The following ACADVL variants were observed in gnomAD, a reference collection of about 807,000 sequenced individuals.
ACADVL encodes very long-chain acyl-CoA dehydrogenase, mitochondrial.
A neutral mutation model predicts 80.4 loss-of-function variants in ACADVL; 73 were observed. That is an observed-to-expected ratio of 0.91 (90% CI 0.75 to 1.10). The LOEUF (loss-of-function observed/expected upper bound fraction) is 1.10. Ranked by LOEUF, ACADVL falls within the 50% of genes least tolerant of loss-of-function variation. The pLI is 0.00. For synonymous variants in ACADVL, 392 were observed against 326.5 expected (o/e 1.20, Z -2.16); for missense variants, 878 against 858.9 (o/e 1.02, Z -0.28).
At chr17:7,218,964 C>T (rs1243049661), upstream of ACADVL, 13 of 1,120,896 alleles carry the variant, frequency 1.2e-5, no homozygotes, top group Admixed American at 2.1e-4. Context: ...GACCAGCTGT[C>T]CCATTCCCCC....
At chr17:7,218,275 A>C (rs754522496), upstream of ACADVL, 3 of 1,609,294 alleles carry the variant, frequency 1.9e-6, no homozygotes, top group South Asian at 3.3e-5. Flanking sequence ...ATAATAGTCC[A>C]GGATGTCTGT....
At chr17:7,219,144 T>C, upstream of ACADVL, 1 of 492,530 alleles carries the variant, frequency 2.0e-6, no homozygotes, top group Non-Finnish European at 3.6e-6. Flanking sequence ...TCTCTCCTCC[T>C]GGGCCTCCTC....
chr17:7,222,619 G>A (rs2071284348), intron 9 of ACADVL, 48 bp from the exon 10 acceptor site: 3 of 1,549,906 alleles, frequency 1.9e-6, no homozygotes, highest in Middle Eastern at 1.7e-4. Context: ...TTCCCCCAGT[G>A]ACAACCTGTT....
In ACADVL at chr17:7,222,335, T is replaced by G. The variant is rs145589195; in HGVS notation, c.878+33T>G. ...AATTTGGGTTGGGGGAGCTTAGGAC[T>G]GAGGGGCAGGACTGGGCTCCTGGGC... On this transcript the variant is annotated intron_variant, in intron 9 of 19. Transcript: ENST00000356839. 1.5e-3 allele frequency: 2,354 copies of G among 1,609,640 alleles called. 53 individuals are homozygous for G. The East Asian group carries it at 0.045, about 31-fold the overall frequency.
intron 11 of ACADVL, 157 bp from the exon 12 acceptor site, chr17:7,223,483 AAAAC>A: frequency 1.1e-6 from 1 of 908,502 alleles, no homozygotes; most frequent in Non-Finnish European, 1.8e-6. Flanking sequence ...CCCTTTTAAG[AAAAC>A]AAATACCTGG....
Position 7,225,261 on chromosome 17 carries a change from C to A in ACADVL, c.*164C>A. 1 of 949,736 alleles carries A rather than the reference C, an allele frequency of 1.1e-6. No individual in the cohort carries two copies. The highest frequency in any genetic ancestry group is 1.6e-6 in the Non-Finnish European group (1 of 635,486). 58.8% of individuals were successfully genotyped at this position (949,736 alleles called of 1,614,324 possible). A position where few individuals can be genotyped will look rare whatever the true frequency, so the allele number is the denominator to read the frequency against. On this transcript the variant is annotated 3_prime_UTR_variant, in exon 20 of 20. Transcript: ENST00000356839. ...CTCGCAAATAATAAAAATTTCTAGC[C>A]AGTCATGCTTTGCTCCTGTGTGACG...
At position 7,223,879 on chromosome 17, in the gene ACADVL, C is replaced by T. The variant is rs763213941; in HGVS notation, c.1332+4C>T. The T allele has an allele frequency of 6.2e-7, 1 of 1,613,978 alleles. No individual in the cohort carries two copies. Among genetic ancestry groups the T allele is most frequent in the Non-Finnish European group, 8.5e-7 (1 of 1,180,020 alleles). ...GGGGGGTATGGGCTTCATGAAGGTA[C>T]AGGACGGTCTTCTGCAGAGCCTCGG... is the stretch of plus-strand genomic sequence containing the variant. On this transcript the variant is annotated splice_donor_region_variant and intron_variant, in intron 13 of 19. Coordinates refer to ENST00000356839, the MANE Select transcript of ACADVL (RefSeq NM_000018.4).
At chr17:7,222,580 C>T (rs2071282420) in intron 9 of ACADVL, 87 bp from the exon 10 acceptor site, 3 of 1,383,354 alleles carry the variant, frequency 2.2e-6, no homozygotes, top group Admixed American at 2.0e-5. Flanking sequence ...TCATTCCTCC[C>T]TGGTGCATAA....
intron 4 of ACADVL, 42 bp downstream of exon 4, chr17:7,220,718 T>A: frequency 6.2e-7 from 1 of 1,613,886 alleles, no homozygotes; most frequent in African/African-American, 1.3e-5. Context: ...GCCAGGGTGG[T>A]TTCCCCTGCC....
rs779458466 is a variant in ACADVL, at chr17:7,222,865, G to C, written c.1077G>C (p.Ala359=). 1.2e-6 allele frequency: 2 copies of C among 1,611,064 alleles called. No homozygotes were observed. The highest frequency in any genetic ancestry group is 2.7e-5 in the African/African-American group (2 of 74,918). ...AGTMRGIIAK[A]VDHATNRTQF... The stretch of plus-strand genomic sequence containing the variant: ...CCATGAGAGGCATCATTGCTAAGGC[G>C]GTGAGTACCCTGCCCGAGTCCCTAG... Residue 359 remains alanine, a splice_region_variant and synonymous_variant, in exon 10 of 20, where the codon GCG becomes GCC. Transcript: ENST00000356839.
At position 7,220,211 on chromosome 17, in the gene ACADVL, G is replaced by A; in HGVS notation, c.138+14G>A. On this transcript the variant is annotated intron_variant, in intron 2 of 19. Coordinates refer to ENST00000356839, the MANE Select transcript of ACADVL (RefSeq NM_000018.4). ...GGTGCCGCTCAGGTAAGTCACCGCA[G>A]CCTTGGCAAGGGGGTGTGGGAGCGG... The A allele has an allele frequency of 6.5e-7, 1 of 1,530,408 alleles. No homozygotes were observed. Among genetic ancestry groups the A allele is most frequent in the Non-Finnish European group, 8.7e-7 (1 of 1,144,356 alleles). The allele number at this position is 1,530,408 out of a possible 1,614,324, so 94.8% of individuals were successfully genotyped here. A position where few individuals can be genotyped will look rare whatever the true frequency, so the allele number is the denominator to read the frequency against.
intron 9 of ACADVL, 40 bp from the exon 10 acceptor site, chr17:7,222,627 G>A: frequency 6.4e-7 from 1 of 1,573,050 alleles, no homozygotes; most frequent in Non-Finnish European, 8.7e-7. Context: ...GTGACAACCT[G>A]TTGAACACAC....
rs753057653 is a variant in ACADVL at position 7,222,088 on chromosome 17, T to C, written c.752+7T>C. 39 of 1,614,154 alleles carry C rather than the reference T, an allele frequency of 2.4e-5. No individual in the cohort carries two copies. Among genetic ancestry groups the C allele is most frequent in the South Asian group, 1.8e-4 (16 of 91,086 alleles). ...GAAGCAAGCTTTGGATCAGGCAACCTGCCTCCCATTTCTCCCCTTCTCCTC... is the reference window on the plus strand; with the variant it reads ...GAAGCAAGCTTTGGATCAGGCAACCCGCCTCCCATTTCTCCCCTTCTCCTC... On this transcript the variant is annotated splice_region_variant and intron_variant, in intron 8 of 19. Transcript: ENST00000356839.
intron 2 of ACADVL, 87 bp from the exon 3 acceptor site, chr17:7,220,377 G>A (rs564913508): frequency 6.2e-4 from 996 of 1,593,824 alleles, no homozygotes; most frequent in Middle Eastern, 2.7e-3. Flanking sequence ...ACCGCTTCGC[G>A]CCGCCTCCCC....
At chr17:7,218,695 C>T, upstream of ACADVL, 2 of 1,530,990 alleles carry the variant, frequency 1.3e-6, no homozygotes, top group Non-Finnish European at 1.8e-6. Context: ...GGAAGATGAA[C>T]ACACTGTCAC....
upstream of ACADVL, chr17:7,217,655 G>A (rs1168710406): frequency 8.9e-7 from 1 of 1,120,982 alleles, no homozygotes; most frequent in Non-Finnish European, 1.2e-6. Flanking sequence ...AGGGAGGGAG[G>A]GAGCTAGGAG....
At chr17:7,219,763 G>A, upstream of ACADVL, 1 of 1,480,348 alleles carries the variant, frequency 6.8e-7, no homozygotes, top group Non-Finnish European at 9.0e-7. Context: ...GGATTAAGGA[G>A]TTTGGGGGAG....
In ACADVL at chr17:7,222,745, G is replaced by A. The variant is rs143870522; in HGVS notation, c.957G>A (p.Ser319=). ...EVFFDGVRVP[S]ENVLGEVGSG... ...TCTTTGATGGAGTACGGGTGCCATC[G>A]GAGAACGTGCTGGGTGAGGTTGGGA... is the stretch of plus-strand genomic sequence containing the variant. The change falls in exon 10 of 20, where the codon TCG becomes TCA. Residue 319 remains serine (S), a synonymous_variant. Transcript: ENST00000356839. The A allele has an allele frequency of 3.2e-5, 51 of 1,614,122 alleles. No homozygotes were observed. The highest frequency in any genetic ancestry group is 1.6e-4 in the East Asian group (7 of 44,882).
Position 7,224,060 on chromosome 17 carries a change from G to T in ACADVL, c.1425G>T (p.Gln475His), listed in dbSNP as rs1597535735. ...NDILRLFVAL[Q>H]GCMDKGKELS... ...TTCTTCGGCTGTTTGTGGCTCTGCA[G>T]GGCTGTATGGTAAGACAGAGAATTG... is the stretch of plus-strand genomic sequence containing the variant. Residue 475 changes from glutamine to histidine, a missense_variant, in exon 14 of 20, where the codon CAG becomes CAT. Transcript: ENST00000356839. The T allele has an allele frequency of 6.2e-7, 1 of 1,614,174 alleles. No homozygotes were observed. The highest frequency in any genetic ancestry group is 1.3e-5 in the African/African-American group (1 of 75,038).
Sources: allele counts gnomAD v4.1 joint callset, GRCh38; gene constraint gnomAD v4.1.1; transcripts MANE v1.5; gene names NCBI Gene and HGNC (gene_info 2026-07-23, HGNC 2026-07-21).